FSIP2: variants seen among roughly 807,000 people sequenced by gnomAD.
The protein encoded by FSIP2 is fibrous sheath-interacting protein 2.
FSIP2 carries 367 observed loss-of-function variants against 510.5 expected under a neutral mutation model. The ratio of observed to expected loss-of-function variants is 0.72; its 90% CI spans 0.66 to 0.78. The LOEUF is 0.78. Ranked by LOEUF, FSIP2 falls within the 30% of genes least tolerant of loss-of-function variation. The pLI, the probability that FSIP2 is intolerant of heterozygous loss-of-function variation, is 0.00. For synonymous variants in FSIP2, 2,601 were observed against 2,732.2 expected (o/e 0.95, Z 1.50); for missense variants, 7,594 against 7,901.7 (o/e 0.96, Z 1.48).
intron 2 of FSIP2, 84 bp downstream of exon 2, chr2:185,739,555 T>A: frequency 1.6e-6 from 2 of 1,219,922 alleles, no homozygotes; most frequent in Non-Finnish European, 2.1e-6. Flanking sequence ...CAAAATTCAT[T>A]AAAGGAATTT....
At position 185,817,371 on chromosome 2, in the gene FSIP2, G is replaced by A. The variant is rs988457419; in HGVS notation, c.20426+1900G>A. On this transcript the variant is annotated intron_variant, in intron 19 of 22. Transcript: ENST00000424728. Reference sequence around the variant, plus strand: ...GGACTGCAGAACCATAAACACCTTCGGCAGAAATTATGGGAAGAGAGAGAT... The same window carrying A: ...GGACTGCAGAACCATAAACACCTTCAGCAGAAATTATGGGAAGAGAGAGAT... Among the ~76,000 whole-genome samples the A allele has an allele frequency of 2.0e-5, 3 of 152,096 alleles. No homozygotes were observed. The East Asian group carries it at 5.9e-4, about 30-fold the overall frequency.
In FSIP2 at chr2:185,744,413, T is replaced by C. The variant is rs902249990; in HGVS notation, c.477+2T>C. On this transcript the variant is annotated splice_donor_variant, in intron 4 of 22. Coordinates refer to ENST00000424728, the MANE Select transcript of FSIP2 (RefSeq NM_173651.4). LOFTEE classifies it high-confidence loss of function. ...GAGAGAAACTATATAAAAGAACAAGTAAGTTAAATACTTAAATTTGGTTTA... is the reference window on the plus strand; with the variant it reads ...GAGAGAAACTATATAAAAGAACAAGCAAGTTAAATACTTAAATTTGGTTTA... 6 of 826,174 alleles carry C rather than the reference T, an allele frequency of 7.3e-6. No individual in the cohort carries two copies. Among genetic ancestry groups the C allele is most frequent in the Non-Finnish European group, 1.0e-5 (6 of 581,682 alleles). 51.2% of individuals were successfully genotyped at this position (826,174 alleles called of 1,614,324 possible). A position where few individuals can be genotyped will look rare whatever the true frequency, so the allele number is the denominator to read the frequency against.
chr2:185,766,636 T>C (rs1358624903), intron 13 of FSIP2: 2 of 150,836 alleles, frequency 1.3e-5, no homozygotes, highest in Non-Finnish European at 3.0e-5. Context: ...TCACACCAGT[T>C]AGAATGGCAA....
Position 185,808,336 on chromosome 2 carries a change from G to C in FSIP2, c.19030G>C (p.Asp6344His). ...KSSSRKGLTLDAKLLEEVLAL... is the reference protein window; with the variant it reads ...KSSSRKGLTLHAKLLEEVLAL... Reference sequence around the variant, plus strand: ...TTCATCCAGAAAAGGTTTGACATTAGATGCCAAACTTTTAGAAGAGGTGTT... The same window carrying C: ...TTCATCCAGAAAAGGTTTGACATTACATGCCAAACTTTTAGAAGAGGTGTT... Residue 6344 changes from aspartate to histidine, a missense_variant, in exon 17 of 23, where the codon GAT becomes CAT. Asp to His is a moderately conservative substitution (Grantham distance 81). Coordinates refer to ENST00000424728, the MANE Select transcript of FSIP2 (RefSeq NM_173651.4). 3 of 1,610,604 alleles carry C rather than the reference G, an allele frequency of 1.9e-6. No homozygotes were observed. Among genetic ancestry groups the C allele is most frequent in the Non-Finnish European group, 2.5e-6 (3 of 1,178,822 alleles).
At chr2:185,784,262 A>G (rs1184975429) in intron 14 of FSIP2, 1 of 152,132 alleles carries the variant, frequency 6.6e-6, no homozygotes, top group Non-Finnish European at 1.5e-5. Flanking sequence ...CACTCAGGTG[A>G]TAAGTAACTT....
rs1693639541 is a variant in FSIP2 at position 185,808,335 on chromosome 2, A to C, written c.19029A>C (p.Leu6343Phe). 1.2e-6 allele frequency: 2 copies of C among 1,610,552 alleles called. No homozygotes were observed. The highest frequency in any genetic ancestry group is 1.3e-5 in the African/African-American group (1 of 74,756). The change falls in exon 17 of 23, where the codon TTA becomes TTC. Residue 6343 changes from leucine (L) to phenylalanine (F), a missense_variant. Coordinates refer to ENST00000424728, the MANE Select transcript of FSIP2 (RefSeq NM_173651.4). Reference protein sequence around the residue: ...EKSSSRKGLTLDAKLLEEVLA... With the variant: ...EKSSSRKGLTFDAKLLEEVLA... ...CTTCATCCAGAAAAGGTTTGACATT[A>C]GATGCCAAACTTTTAGAAGAGGTGT...
intron 15 of FSIP2, among the ~76,000 whole-genome samples, chr2:185,786,754 T>C (rs905441018): frequency 1.3e-5 from 2 of 151,812 alleles, no homozygotes; most frequent in Non-Finnish European, 2.9e-5. Context: ...AGATCGTGTA[T>C]TTTTATGAGG....
chr2:185,791,614 C>T lies in FSIP2; in HGVS notation c.4478C>T (p.Ala1493Val), dbSNP rs1000582849. 2 of 1,534,072 alleles carry T rather than the reference C, an allele frequency of 1.3e-6. No homozygotes were observed. The change falls in exon 16 of 23, where the codon GCA becomes GTA. Residue 1493 changes from alanine (A) to valine (V), a missense_variant. By Grantham distance (64) the Ala-to-Val change is moderately conservative (BLOSUM62 0). Coordinates refer to ENST00000424728, the MANE Select transcript of FSIP2 (RefSeq NM_173651.4). ...ISKAILDYIL[A>V]KLCGVDMDTS... ...AAAGCAATTTTGGATTATATCCTTGCAAAATTATGTGGTGTTGACATGGAT... is the reference window on the plus strand; with the variant it reads ...AAAGCAATTTTGGATTATATCCTTGTAAAATTATGTGGTGTTGACATGGAT...
Position 185,807,673 on chromosome 2 carries a change from C to T in FSIP2, c.18367C>T (p.Arg6123Ter), listed in dbSNP as rs201472027. ...LSENIVDLVL[R>*]EVASNQLQSY... ...AGAAAACATAGTTGACTTGGTTCTACGAGAAGTGGCTAGCAATCAGCTGCA... is the reference window on the plus strand; with the variant it reads ...AGAAAACATAGTTGACTTGGTTCTATGAGAAGTGGCTAGCAATCAGCTGCA... The change falls in exon 17 of 23, where the codon CGA (arginine) becomes TGA (stop). Residue 6123 changes from arginine to a stop codon, truncating the protein, a stop_gained. Coordinates refer to ENST00000424728, the MANE Select transcript of FSIP2 (RefSeq NM_173651.4). LOFTEE classifies it high-confidence loss of function. 125 of 1,612,674 alleles carry T rather than the reference C, an allele frequency of 7.8e-5. No homozygotes were observed. Among genetic ancestry groups the T allele is most frequent in the Non-Finnish European group, 9.5e-5 (112 of 1,179,266 alleles).
rs532277502 is a variant in FSIP2, at chr2:185,808,146, C to T, written c.18840C>T (p.Val6280=). 3.0e-5 allele frequency: 49 copies of T among 1,609,974 alleles called. No individual in the cohort carries two copies. In the East Asian group the frequency reaches 9.6e-4, roughly 32 times the overall value. ...AAGATTTAATGGGTAAAAGCAATGT[C>T]CTCTCTGATACAATAGGCTTTTTAA... ...VFKDLMGKSN[V]LSDTIGFLMV... Residue 6280 remains valine (V), a synonymous_variant, in exon 17 of 23, where the codon GTC becomes GTT. Transcript: ENST00000424728.
chr2:185,802,970 C>T lies in FSIP2; in HGVS notation c.13664C>T (p.Ser4555Phe), dbSNP rs1479314000. Residue 4555 changes from serine to phenylalanine, a missense_variant, in exon 17 of 23, where the codon TCT becomes TTT. By Grantham distance (155) the Ser-to-Phe change is radical (BLOSUM62 -2). Coordinates refer to ENST00000424728, the MANE Select transcript of FSIP2 (RefSeq NM_173651.4). Reference sequence around the variant, plus strand: ...GTATTTGCAAATGTTGTGCAAACCTCTGGTTCTCAAGAATCAGCTGTGCAA... The same window carrying T: ...GTATTTGCAAATGTTGTGCAAACCTTTGGTTCTCAAGAATCAGCTGTGCAA... Reference protein sequence around the residue: ...DSVFANVVQTSGSQESAVQNI... With the variant: ...DSVFANVVQTFGSQESAVQNI... 3.9e-6 allele frequency: 6 copies of T among 1,530,026 alleles called. No homozygotes were observed. The highest frequency in any genetic ancestry group is 5.2e-6 in the Non-Finnish European group (6 of 1,143,754). 94.8% of individuals were successfully genotyped at this position (1,530,026 alleles called of 1,614,324 possible).
rs1246907474 is a variant in FSIP2 at position 185,791,521 on chromosome 2, G to A, written c.4385G>A (p.Ser1462Asn). The change falls in exon 16 of 23, where the codon AGC becomes AAC. Residue 1462 changes from serine to asparagine, a missense_variant. Transcript: ENST00000424728. ...LHSQLSCSQQ[S>N]REMTNKNQKM... ...TCTCAGCTATCTTGTAGTCAACAAAGCAGAGAGATGACCAATAAGAATCAG... is the reference window on the plus strand; with the variant it reads ...TCTCAGCTATCTTGTAGTCAACAAAACAGAGAGATGACCAATAAGAATCAG... 4 of 1,534,260 alleles carry A rather than the reference G, an allele frequency of 2.6e-6. No individual in the cohort carries two copies. Among genetic ancestry groups the A allele is most frequent in the South Asian group, 1.2e-5 (1 of 84,036 alleles).
rs16827140 is a variant in FSIP2, at chr2:185,792,658, T to C, written c.5522T>C (p.Ile1841Thr). The stretch of plus-strand genomic sequence containing the variant: ...TTACTTTCGGAAGCAGATATAACCA[T>C]AGTAACAGATAATATTGTTAGGACT... ...DPLLSEADIT[I>T]VTDNIVRTVF... The change falls in exon 16 of 23, where the codon ATA becomes ACA. Residue 1841 changes from isoleucine (I) to threonine (T), a missense_variant. Physicochemically the swap from Ile to Thr is moderately conservative, Grantham distance 89. Coordinates refer to ENST00000424728, the MANE Select transcript of FSIP2 (RefSeq NM_173651.4). The C allele has an allele frequency of 1.4e-3, 2,126 of 1,533,648 alleles. 35 individuals are homozygous for C. In the African/African-American group the frequency reaches 0.026, roughly 19 times the overall value.
chr2:185,753,668 A>G, intron 7 of FSIP2, 54 bp from the exon 8 acceptor site: 2 of 766,670 alleles, frequency 2.6e-6, no homozygotes, highest in Middle Eastern at 3.5e-4. Context: ...GATTTGTTTT[A>G]CATTTCTAAA....
rs2105651709 is a variant in FSIP2 at position 185,806,451 on chromosome 2, A to C, written c.17145A>C (p.Leu5715Phe). Residue 5715 changes from leucine (L) to phenylalanine (F), a missense_variant, in exon 17 of 23, where the codon TTA becomes TTC. Coordinates refer to ENST00000424728, the MANE Select transcript of FSIP2 (RefSeq NM_173651.4). Reference protein sequence around the residue: ...YDQSPPGDNVLNVIQEISRDS... With the variant: ...YDQSPPGDNVFNVIQEISRDS... ...AAAGCCCCCCAGGTGATAATGTATT[A>C]AATGTAATTCAAGAGATTAGCAGGG... is the stretch of plus-strand genomic sequence containing the variant. 6.2e-7 allele frequency: 1 copy of C among 1,611,938 alleles called. No homozygotes were observed. Among genetic ancestry groups the C allele is most frequent in the Non-Finnish European group, 8.5e-7 (1 of 1,178,646 alleles).
chr2:185,769,142 T>C (rs987843171), intron 13 of FSIP2, among the ~76,000 whole-genome samples: 7 of 152,166 alleles, frequency 4.6e-5, no homozygotes, highest in Non-Finnish European at 1.0e-4. Context: ...TTCCTTTGGG[T>C]ATATAGCCAG....
Position 185,789,183 on chromosome 2 carries a change from A to G in FSIP2, c.2047A>G (p.Met683Val). The part of the protein sequence containing the change: ...SLHCDKTAKA[M>V]DEMKNLKNVF... ...GCATTGTGATAAAACAGCAAAAGCC[A>G]TGGATGAAATGAAGAATTTAAAAAA... is the stretch of plus-strand genomic sequence containing the variant. The change falls in exon 16 of 23, where the codon ATG (methionine) becomes GTG (valine). Residue 683 changes from methionine to valine, a missense_variant. Physicochemically the swap from Met to Val is conservative, Grantham distance 21. Coordinates refer to ENST00000424728, the MANE Select transcript of FSIP2 (RefSeq NM_173651.4). 1.3e-6 allele frequency: 2 copies of G among 1,534,584 alleles called. No homozygotes were observed. The highest frequency in any genetic ancestry group is 1.7e-4 in the Middle Eastern group (1 of 5,986).
rs1250014658 is a variant in FSIP2, at chr2:185,760,998, A to C, written c.1089A>C (p.Ala363=). ...CTCGTTTTCTTTTAGGACATACAGCAAATGCTGCTCATCAGCGTCAAAATA... is the reference window on the plus strand; with the variant it reads ...CTCGTTTTCTTTTAGGACATACAGCCAATGCTGCTCATCAGCGTCAAAATA... ...NTYKETHGHT[A]NAAHQRQNSS... Residue 363 remains alanine (A), a synonymous_variant, in exon 10 of 23, where the codon GCA becomes GCC. Transcript: ENST00000424728. 4 of 1,454,284 alleles carry C rather than the reference A, an allele frequency of 2.8e-6. No individual in the cohort carries two copies. In the South Asian group the frequency reaches 3.9e-5, roughly 14 times the overall value. The allele number at this position is 1,454,284 out of a possible 1,614,324, so 90.1% of individuals were successfully genotyped here. A position where few individuals can be genotyped will look rare whatever the true frequency, so the allele number is the denominator to read the frequency against.
In FSIP2 at chr2:185,790,398, A is replaced by G; in HGVS notation, c.3262A>G (p.Asn1088Asp). The change falls in exon 16 of 23, where the codon AAT (asparagine) becomes GAT (aspartate). Residue 1088 changes from asparagine (N) to aspartate (D), a missense_variant. Transcript: ENST00000424728. ...TATTTTAAAGAAAAAACTTTCTTCGAATAAAGACATTTCAACTTTCAGCCA... is the reference window on the plus strand; with the variant it reads ...TATTTTAAAGAAAAAACTTTCTTCGGATAAAGACATTTCAACTTTCAGCCA... ...EDILKKKLSS[N>D]KDISTFSQDQ... The G allele has an allele frequency of 6.5e-7, 1 of 1,529,764 alleles. No individual in the cohort carries two copies. The highest frequency in any genetic ancestry group is 2.4e-5 in the East Asian group (1 of 40,846). 94.8% of individuals were successfully genotyped at this position (1,529,764 alleles called of 1,614,324 possible). A position where few individuals can be genotyped will look rare whatever the true frequency, so the allele number is the denominator to read the frequency against.
Sources: allele counts gnomAD v4.1 joint callset (sites outside exome capture counted in the v4.1 genomes callset), GRCh38; gene constraint gnomAD v4.1.1; transcripts MANE v1.5; gene names NCBI Gene and HGNC (gene_info 2026-07-23, HGNC 2026-07-21).